Variants in SHISA9 observed in about 807,000 individuals in gnomAD.
The protein encoded by SHISA9 is shisa family member 9.
A neutral mutation model predicts 38.0 loss-of-function variants in SHISA9; 13 were observed. The ratio of observed to expected loss-of-function variants is 0.34; its 90% CI spans 0.22 to 0.54. The LOEUF is 0.54. SHISA9 is among the 20% of genes least tolerant of loss of function. SHISA9 has a pLI of 0.91. For synonymous variants in SHISA9, 275 were observed against 242.0 expected (o/e 1.14, Z -1.27); for missense variants, 538 against 575.8 (o/e 0.93, Z 0.67).
intron 2 of SHISA9, among the ~76,000 whole-genome samples, chr16:13,201,921 G>A (rs1399053381): frequency 1.8e-5 from 2 of 108,146 alleles, no homozygotes; most frequent in Non-Finnish European, 3.9e-5. Flanking sequence ...CTAGATAAAG[G>A]GGATCTTTCA....
the SHISA9 span, among the ~76,000 whole-genome samples, chr16:13,275,964 G>A: frequency 1.3e-5 from 2 of 151,740 alleles, no homozygotes; most frequent in East Asian, 1.9e-4. Context: ...GGTACAGGTG[G>A]TATTTGGTTA....
At chr16:12,978,295 C>T (rs370512021) in intron 2 of SHISA9, among the ~76,000 whole-genome samples, 13 of 152,194 alleles carry the variant, frequency 8.5e-5, no homozygotes, top group African/African-American at 3.1e-4. Context: ...TTCTAGTCTC[C>T]CCTGGGAAAG....
chr16:13,039,419 A>G (rs1357165844), intron 2 of SHISA9, among the ~76,000 whole-genome samples: 1 of 151,500 alleles, frequency 6.6e-6, no homozygotes, highest in Non-Finnish European at 1.5e-5. Flanking sequence ...AGGTCTTTCC[A>G]TGGTCTCATC....
chr16:12,982,081 C>G (rs1483532343), intron 2 of SHISA9, among the ~76,000 whole-genome samples: 1 of 152,158 alleles, frequency 6.6e-6, no homozygotes, highest in Admixed American at 6.5e-5. Context: ...TTACTATACG[C>G]CAGGCACTAC....
the SHISA9 span, among the ~76,000 whole-genome samples, chr16:13,383,780 G>A: frequency 6.6e-6 from 1 of 152,128 alleles, no homozygotes. Context: ...GCTCCGAGTA[G>A]CTGGGACCAT....
intron 2 of SHISA9, among the ~76,000 whole-genome samples, chr16:12,924,901 A>T (rs2071374200): frequency 1.3e-5 from 2 of 152,188 alleles, no homozygotes; most frequent in Admixed American, 1.3e-4. Context: ...TCAGTTTCCC[A>T]TTCTATAAAA....
intron 2 of SHISA9, among the ~76,000 whole-genome samples, chr16:12,992,424 C>CAG (rs911940395): frequency 1.3e-5 from 2 of 151,242 alleles, no homozygotes; most frequent in African/African-American, 4.9e-5. Flanking sequence ...CCCAGCTACT[C>CAG]AGGAGGCTGA....
intron 2 of SHISA9, among the ~76,000 whole-genome samples, chr16:13,169,949 T>C (rs2050670629): frequency 6.6e-6 from 1 of 152,100 alleles, no homozygotes; most frequent in Non-Finnish European, 1.5e-5. Flanking sequence ...ATCCCTATAA[T>C]CCCAGCACTT....
chr16:12,928,454 C>T (rs559354770), intron 2 of SHISA9, among the ~76,000 whole-genome samples: 1 of 152,234 alleles, frequency 6.6e-6, no homozygotes, highest in East Asian at 1.9e-4. Flanking sequence ...AACCATGAAA[C>T]TTGTCTGGTT....
the SHISA9 span, among the ~76,000 whole-genome samples, chr16:13,275,225 T>A: frequency 2.6e-5 from 4 of 152,158 alleles, no homozygotes; most frequent in African/African-American, 7.2e-5. Flanking sequence ...TTGGTTGTTT[T>A]TCTTTTTAGA....
At chr16:13,376,085 G>T in the SHISA9 span, among the ~76,000 whole-genome samples, 1 of 152,200 alleles carries the variant, frequency 6.6e-6, no homozygotes, top group African/African-American at 2.4e-5. Flanking sequence ...ATTGATAATT[G>T]TGTTCCCTAG....
the SHISA9 span, among the ~76,000 whole-genome samples, chr16:13,282,399 G>A: frequency 6.6e-6 from 1 of 151,822 alleles, no homozygotes; most frequent in Non-Finnish European, 1.5e-5. Context: ...TGAATTTTAT[G>A]TGTTTTTATT....
At chr16:13,166,449 G>T (rs2050636555) in intron 2 of SHISA9, among the ~76,000 whole-genome samples, 1 of 152,156 alleles carries the variant, frequency 6.6e-6, no homozygotes, top group Non-Finnish European at 1.5e-5. Context: ...TGGCCAAAAA[G>T]GCAAGATTGG....
the SHISA9 span, among the ~76,000 whole-genome samples, chr16:13,380,998 CT>C: frequency 1.3e-5 from 2 of 152,104 alleles, no homozygotes; most frequent in African/African-American, 2.4e-5. Context: ...AGGACATGAA[CT>C]CATCCTTTTT....
intron 2 of SHISA9, among the ~76,000 whole-genome samples, chr16:13,155,673 C>T (rs2050538509): frequency 6.6e-6 from 1 of 152,102 alleles, no homozygotes; most frequent in South Asian, 2.1e-4. Context: ...GTACCCAGGC[C>T]ACAGCCTTTG....
the SHISA9 span, among the ~76,000 whole-genome samples, chr16:13,321,285 C>T: frequency 6.6e-6 from 1 of 152,184 alleles, no homozygotes; most frequent in Non-Finnish European, 1.5e-5. Flanking sequence ...ATGACTTTCT[C>T]TCCAGAGTCT....
intron 2 of SHISA9, among the ~76,000 whole-genome samples, chr16:12,919,693 T>G (rs1000719448): frequency 6.6e-6 from 1 of 152,174 alleles, no homozygotes; most frequent in African/African-American, 2.4e-5. Context: ...CGTTTCTACA[T>G]TAATTTTCTG....
At chr16:13,540,569 T>C in the SHISA9 span, among the ~76,000 whole-genome samples, 103,268 of 152,080 alleles carry the variant, frequency 0.68, 35,610 homozygotes, top group East Asian at 0.97. Context: ...CTCCTCTTTA[T>C]TGTCTCATTC....
chr16:13,009,270 G>T (rs915069280), intron 2 of SHISA9, among the ~76,000 whole-genome samples: 1 of 152,122 alleles, frequency 6.6e-6, no homozygotes, highest in Non-Finnish European at 1.5e-5. Context: ...CTTTAAGCTG[G>T]GTTCAGAACC....
Sources: gnomAD v4.1 joint callset for allele counts (sites outside exome capture counted in the v4.1 genomes callset) on GRCh38, gnomAD v4.1.1 for gene constraint, MANE v1.5 for transcripts, NCBI Gene and HGNC (gene_info 2026-07-23, HGNC 2026-07-21) for gene names.